Variants in PIP4K2A observed in about 807,000 individuals in gnomAD.
PIP4K2A encodes phosphatidylinositol-5-phosphate 4-kinase type 2 alpha, also known as phosphatidylinositol 5-phosphate 4-kinase type-2 alpha.
Under a neutral mutation model 42.9 loss-of-function variants are expected in PIP4K2A, and 14 were observed. The observed-to-expected ratio is 0.33, with a 90% CI of 0.22 to 0.51. PIP4K2A has a LOEUF of 0.51. Among genes scored for constraint, PIP4K2A ranks in the 20% least tolerant of loss-of-function variants. PIP4K2A has a pLI of 0.97. For synonymous variants in PIP4K2A, 192 were observed against 192.2 expected, an observed-to-expected ratio of 1.00 and a Z score of 0.01; for missense variants, 434 against 519.8, an observed-to-expected ratio of 0.83 and a Z score of 1.61.
At chr10:22,570,504 G>A (rs1398593766) in intron 5 of PIP4K2A, among the ~76,000 whole-genome samples, 1 of 152,160 alleles carries the variant, frequency 6.6e-6, no homozygotes, top group Admixed American at 6.5e-5. Flanking sequence ...GGCACAAAAT[G>A]GCTTGCTTGG....
At chr10:22,554,709 G>A (rs369354568) in intron 6 of PIP4K2A, among the ~76,000 whole-genome samples, 1 of 152,250 alleles carries the variant, frequency 6.6e-6, no homozygotes, top group Non-Finnish European at 1.5e-5. Flanking sequence ...GTTTTGTGCA[G>A]ATCAGAGCCT....
At chr10:22,562,644 C>G (rs1254520575) in intron 6 of PIP4K2A, among the ~76,000 whole-genome samples, 1 of 152,166 alleles carries the variant, frequency 6.6e-6, no homozygotes, top group East Asian at 1.9e-4. Context: ...ACTGCTGTAT[C>G]AGAGAGAGAA....
At chr10:22,650,652 T>C (rs891351158) in intron 1 of PIP4K2A, among the ~76,000 whole-genome samples, 1 of 152,252 alleles carries the variant, frequency 6.6e-6, no homozygotes, top group Non-Finnish European at 1.5e-5. Context: ...GCAAGAAAGT[T>C]AATGTTCTCA....
chr10:22,557,685 T>C (rs1211219153), intron 6 of PIP4K2A, among the ~76,000 whole-genome samples: 3 of 152,254 alleles, frequency 2.0e-5, no homozygotes, highest in African/African-American at 7.2e-5. Flanking sequence ...TTTCAAACTA[T>C]AGTTTGAAAC....
chr10:22,617,710 G>T (rs867333988), intron 1 of PIP4K2A, among the ~76,000 whole-genome samples: 1 of 152,146 alleles, frequency 6.6e-6, no homozygotes, highest in Non-Finnish European at 1.5e-5. Flanking sequence ...AAAGGCTGGC[G>T]GAAGTGGCAG....
chr10:22,618,413 A>G (rs937970376), intron 1 of PIP4K2A, among the ~76,000 whole-genome samples: 1 of 152,174 alleles, frequency 6.6e-6, no homozygotes, highest in African/African-American at 2.4e-5. Context: ...CTATTAAGAG[A>G]TAAGAGTTGA....
chr10:22,623,716 T>C (rs1463676965), intron 1 of PIP4K2A, among the ~76,000 whole-genome samples: 1 of 152,118 alleles, frequency 6.6e-6, no homozygotes, highest in African/African-American at 2.4e-5. Context: ...TGGCTTTAAC[T>C]AAGCTAAAGC....
At chr10:22,667,389 A>T (rs1839370103) in intron 1 of PIP4K2A, among the ~76,000 whole-genome samples, 1 of 152,244 alleles carries the variant, frequency 6.6e-6, no homozygotes, top group African/African-American at 2.4e-5. Context: ...TGAATACCAA[A>T]TTAGAATTAT....
rs545489693 is a variant in PIP4K2A at position 22,710,453 on chromosome 10, G to A, written c.144+3730C>T. Reference sequence around the variant, plus strand: ...CCAATCCCAAGTGGAATCCTTCCACGGTATTTTTATAACTGAATTAGAGAC... The same window carrying A: ...CCAATCCCAAGTGGAATCCTTCCACAGTATTTTTATAACTGAATTAGAGAC... On this transcript the variant is annotated intron_variant, in intron 1 of 9. Coordinates refer to ENST00000376573, the MANE Select transcript of PIP4K2A (RefSeq NM_005028.5). Among the ~76,000 whole-genome samples the A allele has an allele frequency of 1.4e-4, 21 of 152,316 alleles. No individual in the cohort carries two copies. In the South Asian group the frequency reaches 3.7e-3, roughly 27 times the overall value.
intron 6 of PIP4K2A, among the ~76,000 whole-genome samples, chr10:22,561,096 G>A (rs1393684033): frequency 2.6e-5 from 4 of 152,222 alleles, no homozygotes; most frequent in Admixed American, 2.0e-4. Flanking sequence ...GTCTCATTTA[G>A]AGGAGGCGAA....
chr10:22,581,503 G>T (rs897863325), intron 4 of PIP4K2A, among the ~76,000 whole-genome samples: 1 of 145,540 alleles, frequency 6.9e-6, no homozygotes, highest in African/African-American at 2.6e-5. Flanking sequence ...GGCTGAGGCA[G>T]GAGGGTTGCT....
intron 1 of PIP4K2A, among the ~76,000 whole-genome samples, chr10:22,645,549 T>TAAAAA (rs71395807): frequency 1.6e-5 from 2 of 126,908 alleles, no homozygotes; most frequent in South Asian, 2.5e-4. Flanking sequence ...TCTATTTCTT[T>TAAAAA]AAAAAAAAAA....
chr10:22,681,876 T>C (rs1271515824), intron 1 of PIP4K2A, among the ~76,000 whole-genome samples: 4 of 152,164 alleles, frequency 2.6e-5, no homozygotes, highest in Non-Finnish European at 5.9e-5. Flanking sequence ...CCTCTGCTGT[T>C]TGAGCAGCTA....
intron 1 of PIP4K2A, among the ~76,000 whole-genome samples, chr10:22,685,638 T>C (rs1688301165): frequency 6.6e-6 from 1 of 152,158 alleles, no homozygotes; most frequent in Admixed American, 6.5e-5. Flanking sequence ...GGAGGATCCC[T>C]TGAGCCCAGG....
At chr10:22,634,026 A>C (rs1177463807) in intron 1 of PIP4K2A, among the ~76,000 whole-genome samples, 1 of 152,222 alleles carries the variant, frequency 6.6e-6, no homozygotes, top group African/African-American at 2.4e-5. Context: ...ATCTTTGCTG[A>C]CTTTTATTGA....
chr10:22,624,131 G>A (rs1017743790), intron 1 of PIP4K2A, among the ~76,000 whole-genome samples: 2 of 152,096 alleles, frequency 1.3e-5, no homozygotes, highest in Admixed American at 6.5e-5. Context: ...TCTTCACTAT[G>A]TTTAACATTG....
Position 22,598,142 on chromosome 10 carries a change from G to T in PIP4K2A, c.340-6361C>A, listed in dbSNP as rs1042318033. ...GGAGGCTGAGGTGGGAAGATCACTT[G>T]AGGCCAGGAGTTTGGGACCAGCCTG... On this transcript the variant is annotated intron_variant, in intron 3 of 9. Coordinates refer to ENST00000376573, the MANE Select transcript of PIP4K2A (RefSeq NM_005028.5). 5.3e-5 allele frequency among the ~76,000 whole-genome samples: 8 copies of T among 152,322 alleles called. No individual in the cohort carries two copies. The South Asian group carries it at 1.5e-3, about 28-fold the overall frequency.
intron 1 of PIP4K2A, among the ~76,000 whole-genome samples, chr10:22,671,745 T>TACACAC (rs143696456): frequency 0.014 from 2,072 of 144,654 alleles, 52 homozygotes; most frequent in African/African-American, 0.05. Context: ...ACTTGGAAAA[T>TACACAC]ACACACACAC....
Position 22,618,255 on chromosome 10 carries a change from C to T in PIP4K2A, c.145-8538G>A, listed in dbSNP as rs549025812. ...AAATAGATACTTTCCACTTACTGGA[C>T]TCATCCTAAGAAAACAAAATTCCTT... On this transcript the variant is annotated intron_variant, in intron 1 of 9. Coordinates refer to ENST00000376573, the MANE Select transcript of PIP4K2A (RefSeq NM_005028.5). 3.9e-5 allele frequency among the ~76,000 whole-genome samples: 6 copies of T among 152,324 alleles called. No homozygotes were observed. The South Asian group carries it at 1.2e-3, about 32-fold the overall frequency.
Sources: allele counts gnomAD v4.1 joint callset (sites outside exome capture counted in the v4.1 genomes callset), GRCh38; gene constraint gnomAD v4.1.1; transcripts MANE v1.5; gene names NCBI Gene and HGNC (gene_info 2026-07-23, HGNC 2026-07-21).